SLC9A3: variants seen among roughly 807,000 people sequenced by gnomAD.
The protein encoded by SLC9A3 is solute carrier family 9 member A3.
A neutral mutation model predicts 86.8 loss-of-function variants in SLC9A3; 37 were observed. That is an observed-to-expected ratio of 0.43 (90% CI 0.33 to 0.56). The LOEUF (loss-of-function observed/expected upper bound fraction) is 0.56, where lower values mean the gene tolerates loss of function less well. SLC9A3 is among the 20% of genes least tolerant of loss of function. SLC9A3 has a pLI of 0.06. For synonymous variants in SLC9A3, 581 were observed against 528.3 expected (o/e 1.10, Z -1.37); for missense variants, 1,011 against 1,171.9 (o/e 0.86, Z 2.00).
rs546644909 is a variant in SLC9A3, at chr5:476,851, C to T, written c.1761-179G>A. Among the ~76,000 whole-genome samples, 7 of 152,374 alleles carry T rather than the reference C, an allele frequency of 4.6e-5. No homozygotes were observed. The South Asian group carries it at 1.4e-3, about 32-fold the overall frequency. ...CTGCCATCTGGCCAGCCCCTTCTCCCCTCGGGGCTTAGGCTGACTCCCCAC... is the reference window on the plus strand; with the variant it reads ...CTGCCATCTGGCCAGCCCCTTCTCCTCTCGGGGCTTAGGCTGACTCCCCAC... On this transcript the variant is annotated intron_variant, in intron 11 of 16. Transcript: ENST00000264938.
At chr5:482,179 C>T (rs754153584) in intron 7 of SLC9A3, 22 bp from the exon 8 acceptor site, 25 of 1,579,970 alleles carry the variant, frequency 1.6e-5, no homozygotes, top group Middle Eastern at 1.7e-4. Flanking sequence ...GGTCTCGTGA[C>T]CCTGGTGCCA....
intron 3 of SLC9A3, among the ~76,000 whole-genome samples, 179 bp downstream of exon 3, chr5:488,137 G>A (rs1365354114): frequency 3.3e-5 from 5 of 152,356 alleles, no homozygotes; most frequent in South Asian, 2.1e-4. Context: ...AAGAAGCCTC[G>A]CGAAAGCTGC....
At chr5:480,036 G>C in intron 9 of SLC9A3, 71 bp from the exon 10 acceptor site, 1 of 1,544,302 alleles carries the variant, frequency 6.5e-7, no homozygotes, top group Non-Finnish European at 8.8e-7. Flanking sequence ...GCGTGGCCCG[G>C]CCCCTTCTCT....
chr5:508,345 A>G (rs1203206273), intron 1 of SLC9A3, among the ~76,000 whole-genome samples: 1 of 142,400 alleles, frequency 7.0e-6, no homozygotes, highest in African/African-American at 2.7e-5. Flanking sequence ...TGCCGCAGGG[A>G]GACGCAGGCC....
chr5:490,273 T>C (rs917259422), intron 2 of SLC9A3, among the ~76,000 whole-genome samples: 4 of 74,588 alleles, frequency 5.4e-5, no homozygotes, highest in African/African-American at 2.5e-4. Flanking sequence ...GTGTTTCTCA[T>C]GAGGAGCGTT....
At chr5:490,169 G>C (rs1208556280) in intron 2 of SLC9A3, among the ~76,000 whole-genome samples, 1 of 74,824 alleles carries the variant, frequency 1.3e-5, no homozygotes, top group African/African-American at 6.2e-5. Flanking sequence ...ACCCAGCTTT[G>C]ACCAGCTGGG....
intron 1 of SLC9A3, among the ~76,000 whole-genome samples, chr5:503,913 C>A (rs902981325): frequency 6.6e-6 from 1 of 152,324 alleles, no homozygotes; most frequent in African/African-American, 2.4e-5. Context: ...GAAGACTGGG[C>A]CCCCAGAGCT....
intron 1 of SLC9A3, among the ~76,000 whole-genome samples, chr5:506,985 C>G (rs960303481): frequency 6.7e-6 from 1 of 148,954 alleles, no homozygotes; most frequent in African/African-American, 2.5e-5. Context: ...GCAGGAGAAT[C>G]GCTTGAACCC....
At chr5:485,883 T>C (rs1739439051) in intron 3 of SLC9A3, among the ~76,000 whole-genome samples, 1 of 152,114 alleles carries the variant, frequency 6.6e-6, no homozygotes, top group Admixed American at 6.5e-5. Flanking sequence ...TCCCGGGGTC[T>C]CTTGGGGCCT....
chr5:497,755 G>T lies in SLC9A3; in HGVS notation c.212-5684C>A, dbSNP rs1323546417. ...GGCCGCATCCCCAGCCTCTGCCCCT[G>T]TCCCGGGTGGGGTCGCCCGGCCGCA... On this transcript the variant is annotated intron_variant, in intron 1 of 16. Coordinates refer to ENST00000264938, the MANE Select transcript of SLC9A3 (RefSeq NM_004174.4). The surrounding 1 kb of genome is among the most constrained non-coding windows in gnomAD (Gnocchi z 5.4). Among the ~76,000 whole-genome samples the T allele has an allele frequency of 1.0e-5, 1 of 99,654 alleles. No homozygotes were observed. Among genetic ancestry groups the T allele is most frequent in the East Asian group, 4.3e-4 (1 of 2,346 alleles). 65.4% of individuals were successfully genotyped at this position (99,654 alleles called of 152,430 possible). A position where few individuals can be genotyped will look rare whatever the true frequency, so the allele number is the denominator to read the frequency against.
At chr5:489,127 C>T (rs957750724) in intron 2 of SLC9A3, among the ~76,000 whole-genome samples, 5 of 152,256 alleles carry the variant, frequency 3.3e-5, no homozygotes, top group East Asian at 3.9e-4. Flanking sequence ...GTTCAGGCCT[C>T]GAGGAGGCCA....
At position 471,539 on chromosome 5, in the gene SLC9A3, GC is replaced by G. The variant is rs1738357322; in HGVS notation, c.*1839del. Reference sequence around the variant, plus strand: ...CAGCCACTTGTGCCGGGAAGGCCAGGCCCCGGCCTGCTCCGATGAACGTCAG... The same window carrying G: ...CAGCCACTTGTGCCGGGAAGGCCAGGCCCGGCCTGCTCCGATGAACGTCAG... On this transcript the variant is annotated 3_prime_UTR_variant, in exon 17 of 17. Transcript: ENST00000264938. The G allele has an allele frequency of 5.7e-6, 2 of 349,376 alleles. No homozygotes were observed. Among genetic ancestry groups the G allele is most frequent in the Non-Finnish European group, 1.1e-5 (2 of 176,912 alleles). The allele number at this position is 349,376 out of a possible 1,614,324, so 21.6% of individuals were successfully genotyped here.
Position 488,357 on chromosome 5 carries a change from T to C in SLC9A3, c.634A>G (p.Ile212Val). Reference sequence around the variant, plus strand: ...TTCAGCAGCGACTCCCCGAAGACGATGATGAACAGGACCTCGTTGACATGG... The same window carrying C: ...TTCAGCAGCGACTCCCCGAAGACGACGATGAACAGGACCTCGTTGACATGG... ...EVHVNEVLFI[I>V]VFGESLLNDA... The change falls in exon 3 of 17, where the codon ATC becomes GTC. Residue 212 changes from isoleucine (I) to valine (V), a missense_variant. Coordinates refer to ENST00000264938, the MANE Select transcript of SLC9A3 (RefSeq NM_004174.4). 3.7e-6 allele frequency: 6 copies of C among 1,612,520 alleles called. No individual in the cohort carries two copies. The highest frequency in any genetic ancestry group is 5.1e-6 in the Non-Finnish European group (6 of 1,179,798).
Position 482,539 on chromosome 5 carries a change from G to C in SLC9A3, c.1356+9C>G. 1.9e-6 allele frequency: 3 copies of C among 1,604,818 alleles called. No homozygotes were observed. Among genetic ancestry groups the C allele is most frequent in the African/African-American group, 1.3e-5 (1 of 74,864 alleles). On this transcript the variant is annotated intron_variant, in intron 7 of 16. Coordinates refer to ENST00000264938, the MANE Select transcript of SLC9A3 (RefSeq NM_004174.4). ...CCGAGACCCCAGGGCTGGCTGGGCT[G>C]GGCCTCACCTGGAAGATGACGGTGA...
At chr5:517,180 C>T in intron 1 of SLC9A3, among the ~76,000 whole-genome samples, 1 of 152,116 alleles carries the variant, frequency 6.6e-6, no homozygotes, top group South Asian at 2.1e-4. Context: ...TCCACTCACT[C>T]ATCCATCCAT....
intron 1 of SLC9A3, among the ~76,000 whole-genome samples, chr5:511,680 G>T (rs905768469): frequency 6.6e-6 from 1 of 152,272 alleles, no homozygotes; most frequent in African/African-American, 2.4e-5. Context: ...TGTGCACCCA[G>T]CACTGCTGGA....
intron 5 of SLC9A3, 143 bp from the exon 6 acceptor site, chr5:483,625 G>C (rs961215074): frequency 2.2e-5 from 15 of 670,108 alleles, no homozygotes; most frequent in Non-Finnish European, 5.2e-6. Context: ...TCCCGAGCCA[G>C]GCTGGGCCGC....
chr5:476,774 T>G, intron 11 of SLC9A3, 102 bp from the exon 12 acceptor site: 1 of 1,438,436 alleles, frequency 7.0e-7, no homozygotes, highest in Non-Finnish European at 9.5e-7. Flanking sequence ...GGCTGCCTCC[T>G]GCGTGCCCCT....
Position 496,427 on chromosome 5 carries a change from G to T in SLC9A3, c.212-4356C>A, listed in dbSNP as rs776886889. On this transcript the variant is annotated intron_variant, in intron 1 of 16. Coordinates refer to ENST00000264938, the MANE Select transcript of SLC9A3 (RefSeq NM_004174.4). This position sits in a 1 kb window ranked among gnomAD's most constrained non-coding sequence, Gnocchi z 4.7. ...GACGACCTGTGGGTGACGCGTGAAC[G>T]ACCCCGTTCTGTGAAAGTGTCGGCT... Among the ~76,000 whole-genome samples, 1 of 152,236 alleles carries T rather than the reference G, an allele frequency of 6.6e-6. No individual in the cohort carries two copies. The highest frequency in any genetic ancestry group is 1.5e-5 in the Non-Finnish European group (1 of 68,046).
Sources: gnomAD v4.1 joint callset for allele counts (sites outside exome capture counted in the v4.1 genomes callset) on GRCh38, gnomAD v4.1.1 for gene constraint, Gnocchi (gnomAD v3.1) non-coding constraint, MANE v1.5 for transcripts, NCBI Gene and HGNC (gene_info 2026-07-23, HGNC 2026-07-21) for gene names.